The following GIGYF2 variants were observed in gnomAD, a reference collection of about 807,000 sequenced individuals.
GIGYF2 encodes the protein GRB10 interacting GYF protein 2.
A neutral mutation model predicts 208.1 loss-of-function variants in GIGYF2; 25 were observed. That is an observed-to-expected ratio of 0.12 (90% confidence interval 0.09 to 0.17). The LOEUF (loss-of-function observed/expected upper bound fraction) is 0.17, where lower values mean the gene tolerates loss of function less well. GIGYF2 is among the 10% of genes least tolerant of loss of function. The pLI is 1.00. For synonymous variants in GIGYF2, 534 were observed against 543.8 expected, an observed-to-expected ratio of 0.98 and a Z score of 0.25; for missense variants, 1,302 against 1,579.4, an observed-to-expected ratio of 0.82 and a Z score of 2.98.
intron 8 of GIGYF2, among the ~76,000 whole-genome samples, chr2:232,773,829 C>T (rs769190009): frequency 7.5e-5 from 11 of 145,836 alleles, no homozygotes; most frequent in Admixed American, 1.4e-4. Context: ...CCCAGCACTT[C>T]GGGAGGCCGA....
chr2:232,722,189 A>G (rs1407761408), intron 2 of GIGYF2, among the ~76,000 whole-genome samples: 4 of 152,140 alleles, frequency 2.6e-5, no homozygotes, highest in Admixed American at 6.6e-5. Context: ...CCATTTTCAT[A>G]TTGCTGTAAT....
intron 21 of GIGYF2, among the ~76,000 whole-genome samples, chr2:232,827,793 C>A (rs1354528038): frequency 6.6e-6 from 1 of 152,170 alleles, no homozygotes; most frequent in Non-Finnish European, 1.5e-5. Flanking sequence ...AACCTTTCTT[C>A]CTTTTTAATA....
chr2:232,804,693 A>G (rs1458369864), intron 14 of GIGYF2, among the ~76,000 whole-genome samples: 2 of 152,182 alleles, frequency 1.3e-5, no homozygotes, highest in African/African-American at 4.8e-5. Flanking sequence ...AGGTTTCACC[A>G]TGTTGGCCAG....
chr2:232,733,740 TACTTCTA>T (rs1234917227), intron 2 of GIGYF2, among the ~76,000 whole-genome samples: 1 of 152,242 alleles, frequency 6.6e-6, no homozygotes, highest in Admixed American at 6.5e-5. Context: ...CCTATGTACA[TACTTCTA>T]TATACTTTAA....
intron 14 of GIGYF2, among the ~76,000 whole-genome samples, chr2:232,796,576 A>G (rs1700229243): frequency 6.6e-6 from 1 of 152,218 alleles, no homozygotes; most frequent in Non-Finnish European, 1.5e-5. Context: ...AATAATTCGA[A>G]TACAGCCTGG....
At chr2:232,763,135 C>T (rs186958131) in intron 8 of GIGYF2, among the ~76,000 whole-genome samples, 6 of 152,208 alleles carry the variant, frequency 3.9e-5, no homozygotes, top group African/African-American at 1.4e-4. Flanking sequence ...TCATGGGGGG[C>T]TTGTCAAGAC....
intron 2 of GIGYF2, among the ~76,000 whole-genome samples, chr2:232,724,176 G>A (rs893497276): frequency 3.4e-5 from 5 of 149,000 alleles, no homozygotes; most frequent in African/African-American, 1.2e-4. Flanking sequence ...GAGTAGCTGA[G>A]ATTAACAGGC....
At chr2:232,769,867 A>C (rs765258610) in intron 8 of GIGYF2, among the ~76,000 whole-genome samples, 4 of 152,240 alleles carry the variant, frequency 2.6e-5, no homozygotes, top group Non-Finnish European at 4.4e-5. Flanking sequence ...GATACATTAA[A>C]TAACAGTCTA....
intron 8 of GIGYF2, chr2:232,765,851 A>T (rs1190668840): frequency 6.5e-6 from 3 of 460,644 alleles, no homozygotes; most frequent in Non-Finnish European, 1.4e-5. Context: ...AGGTAACGAC[A>T]TGCCTCCAGT....
chr2:232,804,936 T>A (rs563293789), intron 14 of GIGYF2, among the ~76,000 whole-genome samples: 1 of 152,278 alleles, frequency 6.6e-6, no homozygotes, highest in African/African-American at 2.4e-5. Flanking sequence ...ATTTCTAGCT[T>A]GATTCTTGGT....
chr2:232,748,873 A>G, intron 4 of GIGYF2, 114 bp from the exon 5 acceptor site: 1 of 729,568 alleles, frequency 1.4e-6, no homozygotes, highest in Admixed American at 1.8e-5. Flanking sequence ...ATTAATCTGT[A>G]TTTATAATAA....
chr2:232,712,656 A>G (rs1053298821), intron 2 of GIGYF2, among the ~76,000 whole-genome samples: 4 of 152,234 alleles, frequency 2.6e-5, no homozygotes, highest in African/African-American at 7.2e-5. Context: ...CTAGCAAATG[A>G]GATCACAATA....
intron 3 of GIGYF2, among the ~76,000 whole-genome samples, chr2:232,740,292 T>C (rs924895633): frequency 9.2e-5 from 14 of 152,062 alleles, no homozygotes; most frequent in African/African-American, 3.1e-4. Flanking sequence ...AACCCGTCTT[T>C]AGAAACAAAA....
intron 2 of GIGYF2, among the ~76,000 whole-genome samples, chr2:232,716,385 T>C (rs915205947): frequency 6.9e-6 from 1 of 145,014 alleles, no homozygotes; most frequent in Non-Finnish European, 1.5e-5. Flanking sequence ...TTTTTTTTTT[T>C]TTTTTTTTTT....
chr2:232,796,470 A>G (rs1700226270), intron 14 of GIGYF2, among the ~76,000 whole-genome samples: 1 of 152,220 alleles, frequency 6.6e-6, no homozygotes, highest in East Asian at 1.9e-4. Flanking sequence ...ATAATGCTCT[A>G]TTGAATGTTT....
intron 3 of GIGYF2, among the ~76,000 whole-genome samples, chr2:232,740,452 C>G (rs1697930438): frequency 6.6e-6 from 1 of 152,152 alleles, no homozygotes; most frequent in Non-Finnish European, 1.5e-5. Flanking sequence ...AGGAAGTTTT[C>G]CCAGGTCTTT....
intron 22 of GIGYF2, 156 bp downstream of exon 22, chr2:232,833,249 TC>T (rs1461763229): frequency 9.6e-6 from 3 of 312,736 alleles, no homozygotes; most frequent in Non-Finnish European, 1.7e-5. Context: ...TGGGTCTCAC[TC>T]CCATCACCCA....
chr2:232,844,308 A>T lies in GIGYF2; in HGVS notation c.3099+53A>T, dbSNP rs138231904. Reference sequence around the variant, plus strand: ...GTATGGACTAGTATTATCTTTTCTGACTGTCTTCTTATCTTTTTAACATGA... The same window carrying T: ...GTATGGACTAGTATTATCTTTTCTGTCTGTCTTCTTATCTTTTTAACATGA... On this transcript the variant is annotated intron_variant, in intron 24 of 28. Transcript: ENST00000373563. The T allele has an allele frequency of 3.0e-3, 4,904 of 1,612,466 alleles. 22 individuals carry two copies. The highest frequency in any genetic ancestry group is 4.1e-3 in the South Asian group (369 of 91,000).
chr2:232,736,182 A>G, intron 3 of GIGYF2: 3 of 980,760 alleles, frequency 3.1e-6, no homozygotes, highest in African/African-American at 1.7e-5. Context: ...TGAAGTTCTA[A>G]GAACCGATGG....
Sources: allele counts gnomAD v4.1 joint callset (sites outside exome capture counted in the v4.1 genomes callset), GRCh38; gene constraint gnomAD v4.1.1; transcripts MANE v1.5; gene names NCBI Gene and HGNC (gene_info 2026-07-23, HGNC 2026-07-21).